The following LRP1B variants were observed in gnomAD, a reference collection of about 807,000 sequenced individuals.
LRP1B encodes the protein LDL receptor related protein 1B, also known as low-density lipoprotein receptor-related protein 1B.
A neutral mutation model predicts 556.6 loss-of-function variants in LRP1B; 217 were observed. The ratio of observed to expected loss-of-function variants is 0.39; its 90% confidence interval spans 0.35 to 0.44. The LOEUF is 0.44. Ranked by LOEUF, LRP1B falls within the 20% of genes least tolerant of loss-of-function variation. LRP1B has a pLI of 1.00. For synonymous variants in LRP1B, 2,047 were observed against 1,865.8 expected (o/e 1.10, Z -2.50); for missense variants, 5,053 against 5,620.8 (o/e 0.90, Z 3.23).
chr2:141,684,453 G>C (rs539591693), intron 2 of LRP1B, among the ~76,000 whole-genome samples: 1 of 151,932 alleles, frequency 6.6e-6, no homozygotes, highest in African/African-American at 2.4e-5. Flanking sequence ...AGGGCCTGCC[G>C]GGGGGTGGGG....
chr2:140,629,500 A>G lies in LRP1B; in HGVS notation c.6800-27861T>C, dbSNP rs541138830. ...AACAGGCTTATGTATTCAAATGTCA[A>G]ATGCTATGATTTTTGTAACAGAAAA... On this transcript the variant is annotated intron_variant, in intron 41 of 90. Transcript: ENST00000389484. Among the ~76,000 whole-genome samples the G allele has an allele frequency of 7.9e-5, 12 of 152,242 alleles. No individual in the cohort carries two copies. In the East Asian group the frequency reaches 2.3e-3, roughly 29 times the overall value.
chr2:140,656,422 A>T (rs1452188834), intron 41 of LRP1B, among the ~76,000 whole-genome samples: 2 of 152,208 alleles, frequency 1.3e-5, no homozygotes, highest in Admixed American at 1.3e-4. Context: ...ATGATTGATA[A>T]TGCCAGGAAA....
intron 7 of LRP1B, among the ~76,000 whole-genome samples, chr2:141,173,013 A>T (rs1680574244): frequency 6.6e-6 from 1 of 151,760 alleles, no homozygotes; most frequent in Non-Finnish European, 1.5e-5. Context: ...TCCCTCTGGA[A>T]TAAATTACAG....
chr2:140,831,941 G>C (rs115761188), intron 31 of LRP1B, among the ~76,000 whole-genome samples: 384 of 152,080 alleles, frequency 2.5e-3, no homozygotes, highest in African/African-American at 8.6e-3. Context: ...TAACCATCAG[G>C]GTAATGTCAC....
intron 2 of LRP1B, among the ~76,000 whole-genome samples, chr2:141,690,569 AAG>A (rs915496778): frequency 3.3e-5 from 5 of 150,438 alleles, no homozygotes; most frequent in African/African-American, 1.2e-4. Flanking sequence ...CAAATAAACT[AAG>A]AAATATAATG....
At chr2:140,985,964 G>A (rs368840318) in intron 17 of LRP1B, among the ~76,000 whole-genome samples, 2 of 151,026 alleles carry the variant, frequency 1.3e-5, no homozygotes, top group East Asian at 3.9e-4. Flanking sequence ...TCTTTCCAGA[G>A]GTAACTACTT....
At chr2:140,958,424 G>T (rs1019975234) in intron 18 of LRP1B, among the ~76,000 whole-genome samples, 1 of 151,574 alleles carries the variant, frequency 6.6e-6, no homozygotes, top group Non-Finnish European at 1.5e-5. Context: ...ATTACAAACC[G>T]CATGAACAAG....
intron 2 of LRP1B, among the ~76,000 whole-genome samples, chr2:141,652,269 C>G (rs903481597): frequency 1.3e-5 from 2 of 151,966 alleles, no homozygotes; most frequent in African/African-American, 4.8e-5. Flanking sequence ...AAATTTGGTT[C>G]CAGAAAAAAT....
chr2:141,726,319 T>A (rs13430257), intron 2 of LRP1B, among the ~76,000 whole-genome samples: 35,682 of 150,886 alleles, frequency 0.24, 4,708 homozygotes, highest in East Asian at 0.5. Context: ...GAGGTAATTT[T>A]AAAAAAAAAT....
intron 1 of LRP1B, among the ~76,000 whole-genome samples, chr2:141,880,186 G>A (rs1235784621): frequency 6.6e-6 from 1 of 151,972 alleles, no homozygotes; most frequent in Non-Finnish European, 1.5e-5. Context: ...CTTCTTTTGA[G>A]CTCTGAATGT....
At chr2:140,597,953 A>C (rs1682508626) in intron 43 of LRP1B, among the ~76,000 whole-genome samples, 1 of 152,132 alleles carries the variant, frequency 6.6e-6, no homozygotes, top group Admixed American at 6.6e-5. Flanking sequence ...TGGTAGGGAC[A>C]TGGGTCCAGA....
rs140709321 is a variant in LRP1B at position 141,563,254 on chromosome 2, C to A, written c.206-82721G>T. ...CCGACATCCAGATGGAGATGTTCAA[C>A]ATTTTGTTAGAAATGTTGATCCAGA... On this transcript the variant is annotated intron_variant, in intron 2 of 90. Coordinates refer to ENST00000389484, the MANE Select transcript of LRP1B (RefSeq NM_018557.3). Among the ~76,000 whole-genome samples the A allele has an allele frequency of 1.9e-3, 290 of 152,086 alleles. 3 individuals carry two copies. Among genetic ancestry groups the A allele is most frequent in the African/African-American group, 6.8e-3 (282 of 41,524 alleles).
chr2:141,278,821 T>G lies in LRP1B; in HGVS notation c.344-24180A>C, dbSNP rs184983662. On this transcript the variant is annotated intron_variant, in intron 3 of 90. Transcript: ENST00000389484. ...GTAAAATATCCAGGGAAGGCTGAGT[T>G]GATACCCTTTCCTTAATTTTACTTC... 2.1e-3 allele frequency among the ~76,000 whole-genome samples: 317 copies of G among 152,278 alleles called. 1 individual carries two copies. Among genetic ancestry groups the G allele is most frequent in the African/African-American group, 7.1e-3 (297 of 41,564 alleles).
chr2:141,251,733 T>C (rs1181189240), intron 4 of LRP1B, among the ~76,000 whole-genome samples: 2 of 151,792 alleles, frequency 1.3e-5, no homozygotes, highest in Non-Finnish European at 1.5e-5. Flanking sequence ...TACAAGTAAA[T>C]AGTGAGAAGA....
intron 41 of LRP1B, among the ~76,000 whole-genome samples, chr2:140,665,115 G>C (rs1199534926): frequency 1.3e-5 from 2 of 152,144 alleles, no homozygotes; most frequent in Non-Finnish European, 2.9e-5. Flanking sequence ...AGAATAGCAA[G>C]AAAGTTTGTT....
At chr2:140,317,999 A>G (rs1345803558) in intron 82 of LRP1B, among the ~76,000 whole-genome samples, 1 of 152,114 alleles carries the variant, frequency 6.6e-6, no homozygotes, top group East Asian at 1.9e-4. Flanking sequence ...ATTATAATCA[A>G]CTATAGGAAA....
intron 2 of LRP1B, among the ~76,000 whole-genome samples, chr2:141,749,032 C>G (rs568440048): frequency 6.6e-6 from 1 of 152,176 alleles, no homozygotes; most frequent in African/African-American, 2.4e-5. Flanking sequence ...TGTAATCAAT[C>G]TAAGAATGGG....
chr2:141,925,630 T>G (rs1700314754), intron 1 of LRP1B, among the ~76,000 whole-genome samples: 1 of 152,188 alleles, frequency 6.6e-6, no homozygotes. Flanking sequence ...TCTTTCTCCC[T>G]TTTTACACTT....
intron 86 of LRP1B, 151 bp downstream of exon 86, chr2:140,270,091 G>T: frequency 1.7e-6 from 1 of 593,016 alleles, no homozygotes; most frequent in East Asian, 2.8e-5. Context: ...AGATTCTGCA[G>T]CACATGAGCT....
Sources: gnomAD v4.1 joint callset for allele counts (sites outside exome capture counted in the v4.1 genomes callset) on GRCh38, gnomAD v4.1.1 for gene constraint, MANE v1.5 for transcripts, NCBI Gene and HGNC (gene_info 2026-07-23, HGNC 2026-07-21) for gene names.